Variants in CAMSAP2 observed in about 807,000 individuals in gnomAD.
CAMSAP2 encodes the protein calmodulin-regulated spectrin-associated protein 2.
A neutral mutation model predicts 146.1 loss-of-function variants in CAMSAP2; 26 were observed. The ratio of observed to expected loss-of-function variants is 0.18; its 90% CI spans 0.13 to 0.25. CAMSAP2 has a LOEUF of 0.25. CAMSAP2 is among the 10% of genes least tolerant of loss of function. The pLI, the probability that CAMSAP2 is intolerant of heterozygous loss-of-function variation, is 1.00. For synonymous variants in CAMSAP2, 499 were observed against 596.6 expected (o/e 0.84, Z 2.38); for missense variants, 1,381 against 1,759.3 (o/e 0.78, Z 3.85).
At chr1:200,797,646 CT>C (rs1665922692) in intron 2 of CAMSAP2, among the ~76,000 whole-genome samples, 1 of 96,786 alleles carries the variant, frequency 1.0e-5, no homozygotes, top group South Asian at 4.3e-4. Context: ...ATGGTAGTTT[CT>C]TTTGCTGTGC....
At chr1:200,772,602 A>G (rs937097368) in intron 2 of CAMSAP2, among the ~76,000 whole-genome samples, 1 of 152,078 alleles carries the variant, frequency 6.6e-6, no homozygotes, top group Admixed American at 6.6e-5. Context: ...GAGGGAGACT[A>G]TGTCTCAAAA....
intron 2 of CAMSAP2, among the ~76,000 whole-genome samples, chr1:200,768,211 C>CT: frequency 6.6e-6 from 1 of 152,182 alleles, no homozygotes; most frequent in Non-Finnish European, 1.5e-5. Flanking sequence ...TACACTTCAA[C>CT]TGAGTTTTGA....
chr1:200,836,814 G>A (rs1291720413), intron 6 of CAMSAP2, among the ~76,000 whole-genome samples: 4 of 151,944 alleles, frequency 2.6e-5, no homozygotes, highest in African/African-American at 9.7e-5. Flanking sequence ...TCTCATTGTG[G>A]TTTTGATTTG....
Position 200,832,636 on chromosome 1 carries a change from C to G in CAMSAP2, c.788-70C>G. On this transcript the variant is annotated intron_variant, in intron 5 of 16. Coordinates refer to ENST00000358823, the MANE Select transcript of CAMSAP2 (RefSeq NM_203459.4). The surrounding 1 kb of genome is among the most constrained non-coding windows in gnomAD (Gnocchi z 4.2). ...CAGAATTGTGTATTTGTACTAATTA[C>G]AAGATGGATATGAAATATTTATTAT... 7.8e-7 allele frequency: 1 copy of G among 1,284,354 alleles called. No individual in the cohort carries two copies. The allele number at this position is 1,284,354 out of a possible 1,614,324, so 79.6% of individuals were successfully genotyped here.
chr1:200,808,389 A>G (rs1339963156), intron 3 of CAMSAP2, among the ~76,000 whole-genome samples: 2 of 152,224 alleles, frequency 1.3e-5, no homozygotes, highest in Non-Finnish European at 2.9e-5. Flanking sequence ...GCCAAAAGAA[A>G]ATTAAACCTT....
intron 3 of CAMSAP2, among the ~76,000 whole-genome samples, chr1:200,812,647 A>T (rs1374739170): frequency 7.2e-5 from 11 of 152,240 alleles, no homozygotes; most frequent in Admixed American, 7.2e-4. Context: ...AGTATAAAAA[A>T]ACCTACCAAA....
intron 4 of CAMSAP2, among the ~76,000 whole-genome samples, chr1:200,826,247 A>G (rs1409768434): frequency 6.6e-6 from 1 of 152,082 alleles, no homozygotes; most frequent in Non-Finnish European, 1.5e-5. Context: ...CCTGGCCAAC[A>G]TGGTGAAACC....
At position 200,815,683 on chromosome 1, in the gene CAMSAP2, T is replaced by C. The variant is rs368441570; in HGVS notation, c.645+39T>C. ...AAACAAAAAGGTGCCTTTATGAGAC[T>C]GTATATATGTTCACATATTTGTATT... On this transcript the variant is annotated intron_variant, in intron 4 of 16. Transcript: ENST00000358823. 50 of 983,864 alleles carry C rather than the reference T, an allele frequency of 5.1e-5. No individual in the cohort carries two copies. The African/African-American group carries it at 6.7e-4, about 13-fold the overall frequency. 60.9% of individuals were successfully genotyped at this position (983,864 alleles called of 1,614,324 possible).
chr1:200,813,044 T>C (rs1383560248), intron 3 of CAMSAP2, among the ~76,000 whole-genome samples: 2 of 152,240 alleles, frequency 1.3e-5, no homozygotes, highest in Non-Finnish European at 2.9e-5. Flanking sequence ...TGGGTTGTTA[T>C]AACAAAATGC....
chr1:200,791,295 A>T (rs1409367091), intron 2 of CAMSAP2, among the ~76,000 whole-genome samples: 1 of 151,114 alleles, frequency 6.6e-6, no homozygotes, highest in Non-Finnish European at 1.5e-5. Flanking sequence ...TGCTTTTAAG[A>T]TTTCTTTCTT....
intron 2 of CAMSAP2, among the ~76,000 whole-genome samples, chr1:200,789,231 G>C (rs1283679392): frequency 6.6e-6 from 1 of 152,058 alleles, no homozygotes; most frequent in East Asian, 1.9e-4. Context: ...TGTGCATTTG[G>C]TTTTGTATCT....
intron 4 of CAMSAP2, among the ~76,000 whole-genome samples, chr1:200,816,655 C>T (rs1207087730): frequency 2.8e-5 from 4 of 142,796 alleles, no homozygotes; most frequent in African/African-American, 1.0e-4. Flanking sequence ...TATATATGCA[C>T]ACACATACAC....
At chr1:200,768,624 T>A (rs961807501) in intron 2 of CAMSAP2, among the ~76,000 whole-genome samples, 1 of 152,098 alleles carries the variant, frequency 6.6e-6, no homozygotes, top group Non-Finnish European at 1.5e-5. Context: ...CATGAAGATT[T>A]ATTAGTAGGG....
chr1:200,802,193 T>A lies in CAMSAP2; in HGVS notation c.400-5183T>A, dbSNP rs1039886944. On this transcript the variant is annotated intron_variant, in intron 2 of 16. Coordinates refer to ENST00000358823, the MANE Select transcript of CAMSAP2 (RefSeq NM_203459.4). ...GAAATAGTAATTCAATGGCAAAGTA[T>A]TATTACATAATAACAAAAGATTTAT... Among the ~76,000 whole-genome samples, 19 of 152,326 alleles carry A rather than the reference T, an allele frequency of 1.2e-4. No homozygotes were observed. In the South Asian group the frequency reaches 3.7e-3, roughly 30 times the overall value.
chr1:200,841,172 T>A (rs1176939810), intron 6 of CAMSAP2, among the ~76,000 whole-genome samples: 1 of 152,214 alleles, frequency 6.6e-6, no homozygotes, highest in Non-Finnish European at 1.5e-5. Context: ...TTATTAAAAA[T>A]TAGCTATAAA....
chr1:200,812,039 G>T (rs928583354), intron 3 of CAMSAP2, among the ~76,000 whole-genome samples: 1 of 152,164 alleles, frequency 6.6e-6, no homozygotes, highest in African/African-American at 2.4e-5. Flanking sequence ...TCTAAATGAA[G>T]TGCCTCTATC....
intron 4 of CAMSAP2, among the ~76,000 whole-genome samples, chr1:200,827,155 C>T (rs755405499): frequency 3.9e-5 from 6 of 152,122 alleles, no homozygotes; most frequent in Admixed American, 1.3e-4. Flanking sequence ...TTCCTTTTTC[C>T]GCCAAGAAGA....
At position 200,854,794 on chromosome 1, in the gene CAMSAP2, A is replaced by C. The variant is rs769960937; in HGVS notation, c.3824-23A>C. ...TCTGATTTTGTTTTTATTCAGGATC[A>C]TGAATTTATCGTGTTTTTTCAGTCT... On this transcript the variant is annotated intron_variant, in intron 13 of 16. Coordinates refer to ENST00000358823, the MANE Select transcript of CAMSAP2 (RefSeq NM_203459.4). 32 of 1,596,200 alleles carry C rather than the reference A, an allele frequency of 2.0e-5. No individual in the cohort carries two copies. The South Asian group carries it at 3.5e-4, about 17-fold the overall frequency.
In CAMSAP2 at chr1:200,747,150, C is replaced by T. The variant is rs143982709; in HGVS notation, c.139+7184C>T. ...CTGTATTCAAGCACTTTTCCTGCCT[C>T]GGCTTCCCAAAGTGTTGGGATTACC... is the stretch of plus-strand genomic sequence containing the variant. On this transcript the variant is annotated intron_variant, in intron 1 of 16. Coordinates refer to ENST00000358823, the MANE Select transcript of CAMSAP2 (RefSeq NM_203459.4). Among the ~76,000 whole-genome samples, 1,508 of 152,234 alleles carry T rather than the reference C, an allele frequency of 9.9e-3. 23 individuals are homozygous for T. The highest frequency in any genetic ancestry group is 0.033 in the African/African-American group (1,356 of 41,526).
Sources: gnomAD v4.1 joint callset for allele counts (sites outside exome capture counted in the v4.1 genomes callset) on GRCh38, gnomAD v4.1.1 for gene constraint, Gnocchi (gnomAD v3.1) non-coding constraint, MANE v1.5 for transcripts, NCBI Gene and HGNC (gene_info 2026-07-23, HGNC 2026-07-21) for gene names.